Variants in FUT8 observed in about 807,000 individuals in gnomAD.
FUT8 encodes the protein fucosyltransferase 8, also known as alpha-(1,6)-fucosyltransferase.
In FUT8, 29 loss-of-function variants were observed where a neutral mutation model predicts 71.3. The observed-to-expected ratio is 0.41, with a 90% CI of 0.30 to 0.55. The LOEUF (loss-of-function observed/expected upper bound fraction) is 0.55. FUT8 is among the 20% of genes least tolerant of loss of function. The probability of loss-of-function intolerance (pLI) is 0.34; values close to 1 mark genes in which losing one functional copy is unlikely to be tolerated. For synonymous variants in FUT8, 254 were observed against 239.3 expected, an observed-to-expected ratio of 1.06 and a Z score of -0.57; for missense variants, 544 against 702.1, an observed-to-expected ratio of 0.77 and a Z score of 2.55.
In FUT8 at chr14:65,697,120, C is replaced by T. The variant is rs140153952; in HGVS notation, c.836-24655C>T. ...TGCCTTGTAATGTTTTTATTGAAAG[C>T]CAAATGTGAGGTATTGGATAAAAAG... is the stretch of plus-strand genomic sequence containing the variant. On this transcript the variant is annotated intron_variant, in intron 7 of 10. Transcript: ENST00000673929. Among the ~76,000 whole-genome samples, 1,133 of 152,192 alleles carry T rather than the reference C, an allele frequency of 7.4e-3. 11 individuals are homozygous for T. The highest frequency in any genetic ancestry group is 0.041 in the Middle Eastern group (12 of 294).
chr14:65,412,105 CCGGGCAT>C, upstream of FUT8: 1 of 456,492 alleles, frequency 2.2e-6, no homozygotes, highest in Non-Finnish European at 4.4e-6. Flanking sequence ...TCGGGAGAGG[CCGGGCAT>C]CGAACTCAGG....
intron 10 of FUT8, among the ~76,000 whole-genome samples, chr14:65,741,657 A>G (rs1347966972): frequency 6.6e-6 from 1 of 152,040 alleles, no homozygotes; most frequent in South Asian, 2.1e-4. Context: ...GAAAGGGACC[A>G]TCAGCATTTA....
At chr14:65,375,045 G>A in the FUT8 span, among the ~76,000 whole-genome samples, 1 of 152,104 alleles carries the variant, frequency 6.6e-6, no homozygotes, top group Admixed American at 6.6e-5. Flanking sequence ...AAGTTCTTGA[G>A]TCACTAATAA....
At chr14:65,432,188 A>G (rs967852454) in intron 1 of FUT8, among the ~76,000 whole-genome samples, 2 of 152,022 alleles carry the variant, frequency 1.3e-5, no homozygotes, top group African/African-American at 4.8e-5. Context: ...TTTGCCTTAC[A>G]TGTTTTTCAT....
the FUT8 span, among the ~76,000 whole-genome samples, chr14:65,360,600 C>A: frequency 8.5e-4 from 130 of 152,330 alleles, no homozygotes; most frequent in African/African-American, 3.1e-3. Flanking sequence ...GTAGAATGAG[C>A]TCTGCACTGG....
At chr14:65,651,167 T>C (rs923215222) in intron 6 of FUT8, among the ~76,000 whole-genome samples, 4 of 151,860 alleles carry the variant, frequency 2.6e-5, no homozygotes, top group Admixed American at 1.3e-4. Context: ...GGAGGGAGGA[T>C]TAAAAAGAGG....
intron 3 of FUT8, among the ~76,000 whole-genome samples, chr14:65,579,171 A>G (rs937823086): frequency 3.3e-5 from 5 of 152,206 alleles, no homozygotes; most frequent in Admixed American, 2.0e-4. Flanking sequence ...TCAGTGGCAG[A>G]AGAAGAAATA....
At chr14:65,604,494 G>C (rs1888465109) in intron 3 of FUT8, among the ~76,000 whole-genome samples, 2 of 151,908 alleles carry the variant, frequency 1.3e-5, no homozygotes, top group Non-Finnish European at 2.9e-5. Context: ...ACCTGCTCCT[G>C]AATGATCATT....
At chr14:65,672,284 G>T (rs1333737093) in intron 7 of FUT8, among the ~76,000 whole-genome samples, 2 of 152,086 alleles carry the variant, frequency 1.3e-5, no homozygotes, top group African/African-American at 2.4e-5. Flanking sequence ...GTGCCCTAAG[G>T]TTGTTGATGA....
intron 3 of FUT8, among the ~76,000 whole-genome samples, chr14:65,573,576 C>T (rs190394982): frequency 2.0e-4 from 31 of 151,908 alleles, no homozygotes; most frequent in African/African-American, 5.1e-4. Context: ...AGGGGGTCCA[C>T]GTTGGATGCA....
At chr14:65,650,213 G>A (rs1891306051) in intron 6 of FUT8, among the ~76,000 whole-genome samples, 2 of 149,934 alleles carry the variant, frequency 1.3e-5, no homozygotes, top group Admixed American at 1.4e-4. Flanking sequence ...GCGGGAGAAT[G>A]GCGTGAACCT....
At chr14:65,501,895 ACTTTGTCTTTT>A (rs1234700679) in intron 2 of FUT8, among the ~76,000 whole-genome samples, 10 of 150,014 alleles carry the variant, frequency 6.7e-5, no homozygotes, top group Admixed American at 2.6e-4. Flanking sequence ...AGACGGGTCT[ACTTTGTCTTTT>A]CTTTTCTTTC....
chr14:65,431,729 C>T (rs1005389887), intron 1 of FUT8, among the ~76,000 whole-genome samples: 1 of 150,778 alleles, frequency 6.6e-6, no homozygotes, highest in Non-Finnish European at 1.5e-5. Context: ...GCTTTTCTCT[C>T]TCTCTAAATT....
At chr14:65,697,646 G>C (rs1894062117) in intron 7 of FUT8, among the ~76,000 whole-genome samples, 1 of 152,158 alleles carries the variant, frequency 6.6e-6, no homozygotes, top group Non-Finnish European at 1.5e-5. Flanking sequence ...GCTATAAAAA[G>C]GAATATGAGG....
chr14:65,451,383 C>T (rs2065823168), intron 1 of FUT8, among the ~76,000 whole-genome samples: 1 of 152,260 alleles, frequency 6.6e-6, no homozygotes. Context: ...TCTCTGCAGG[C>T]CCCACAGCAG....
chr14:65,488,613 T>C (rs2066442123), intron 2 of FUT8: 1 of 152,248 alleles, frequency 6.6e-6, no homozygotes. Context: ...ATATAATCTA[T>C]GCTTTGAAAT....
At chr14:65,595,328 G>A (rs1486876941) in intron 3 of FUT8, among the ~76,000 whole-genome samples, 1 of 152,038 alleles carries the variant, frequency 6.6e-6, no homozygotes, top group Admixed American at 6.5e-5. Context: ...ACCCTGTTGT[G>A]TCTATTTGAC....
chr14:65,566,715 C>T (rs1184820956), intron 3 of FUT8, among the ~76,000 whole-genome samples: 1 of 151,960 alleles, frequency 6.6e-6, no homozygotes, highest in Non-Finnish European at 1.5e-5. Flanking sequence ...CTTAGGTTTT[C>T]AACATGCCTG....
chr14:65,638,939 C>T lies in FUT8; in HGVS notation c.597+9333C>T, dbSNP rs553359522. On this transcript the variant is annotated intron_variant, in intron 6 of 10. Coordinates refer to ENST00000673929, the MANE Select transcript of FUT8 (RefSeq NM_001371533.1). The surrounding 1 kb of genome is among the most constrained non-coding windows in gnomAD (Gnocchi z 4.5). ...CAGCCTAACTACATTAAAATATTTG[C>T]TAAATATTTAATACAACTGGGATGG... Among the ~76,000 whole-genome samples, 3 of 152,234 alleles carry T rather than the reference C, an allele frequency of 2.0e-5. No homozygotes were observed. The highest frequency in any genetic ancestry group is 7.2e-5 in the African/African-American group (3 of 41,528).
Sources: gnomAD v4.1 joint callset for allele counts (sites outside exome capture counted in the v4.1 genomes callset) on GRCh38, gnomAD v4.1.1 for gene constraint, Gnocchi (gnomAD v3.1) non-coding constraint, MANE v1.5 for transcripts, NCBI Gene and HGNC (gene_info 2026-07-23, HGNC 2026-07-21) for gene names.